The following FAM83A variants were observed in gnomAD, a reference collection of about 807,000 sequenced individuals.
The protein encoded by FAM83A is scaffolding CK1 anchoring protein A.
A neutral mutation model predicts 24.4 loss-of-function variants in FAM83A; 21 were observed. The observed-to-expected ratio is 0.86, with a 90% CI of 0.61 to 1.24. The LOEUF is 1.24. FAM83A is among the 50% of genes most tolerant of loss of function. The pLI is 0.00. For synonymous variants in FAM83A, 270 were observed against 252.4 expected (o/e 1.07, Z -0.66); for missense variants, 617 against 579.8 (o/e 1.06, Z -0.66).
At chr8:123,190,386 C>T (rs957531106) in intron 1 of FAM83A, among the ~76,000 whole-genome samples, 32 of 151,962 alleles carry the variant, frequency 2.1e-4, no homozygotes, top group Admixed American at 6.6e-5. Flanking sequence ...CTCAGCCTCC[C>T]CAGTAGCTGG....
intron 1 of FAM83A, among the ~76,000 whole-genome samples, chr8:123,184,920 A>G (rs1823740992): frequency 6.6e-6 from 1 of 152,194 alleles, no homozygotes; most frequent in Admixed American, 6.5e-5. Flanking sequence ...TTCCCTCCCA[A>G]GTTCAATACC....
rs115042207 is a variant in FAM83A at position 123,208,460 on chromosome 8, G to C, written c.*772G>C. 1,111 of 985,452 alleles carry C rather than the reference G, an allele frequency of 1.1e-3. 6 individuals are homozygous for C. In the African/African-American group the frequency reaches 0.018, roughly 16 times the overall value. 61.0% of individuals were successfully genotyped at this position (985,452 alleles called of 1,614,324 possible). A position where few individuals can be genotyped will look rare whatever the true frequency, so the allele number is the denominator to read the frequency against. Reference sequence around the variant, plus strand: ...TGGACCTAGGAGCTTGAGTTGTCAGGGGCCAGGACTGGCCCCACTGCAGTG... The same window carrying C: ...TGGACCTAGGAGCTTGAGTTGTCAGCGGCCAGGACTGGCCCCACTGCAGTG... On this transcript the variant is annotated 3_prime_UTR_variant, in exon 4 of 4. Transcript: ENST00000690554.
intron 1 of FAM83A, among the ~76,000 whole-genome samples, chr8:123,186,163 A>AT (rs1823785803): frequency 6.6e-6 from 1 of 152,160 alleles, no homozygotes; most frequent in Non-Finnish European, 1.5e-5. Context: ...ATCACCAATA[A>AT]TTTTTAAGAG....
chr8:123,192,590 A>C (rs77759076), intron 2 of FAM83A, among the ~76,000 whole-genome samples: 1 of 152,218 alleles, frequency 6.6e-6, no homozygotes, highest in African/African-American at 2.4e-5. Context: ...CATAGCTTTC[A>C]TGAGTAGGCC....
chr8:123,196,275 G>A (rs1421832886), intron 3 of FAM83A, among the ~76,000 whole-genome samples: 2 of 152,188 alleles, frequency 1.3e-5, no homozygotes, highest in Non-Finnish European at 2.9e-5. Flanking sequence ...GCCCCCCAAA[G>A]TGCAGGGATT....
intron 1 of FAM83A, among the ~76,000 whole-genome samples, chr8:123,185,223 C>T (rs907272901): frequency 6.6e-6 from 1 of 152,212 alleles, no homozygotes; most frequent in Non-Finnish European, 1.5e-5. Context: ...GCTCCTATGC[C>T]GGACTAAAGT....
At chr8:123,183,050 C>G in exon 1 of FAM83A, 2 of 1,612,336 alleles carry the variant, frequency 1.2e-6, no homozygotes, top group African/African-American at 2.7e-5. Flanking sequence ...TTCTTGTCCT[C>G]GGTGGAGGCC....
chr8:123,180,903 A>G (rs1404832114), upstream of FAM83A, among the ~76,000 whole-genome samples: 2 of 150,296 alleles, frequency 1.3e-5, no homozygotes, highest in South Asian at 2.1e-4. Context: ...CAAAAAAAAA[A>G]AGAGAAAGAG....
chr8:123,183,508 C>T (rs1417024117), intron 1 of FAM83A, among the ~76,000 whole-genome samples, 172 bp downstream of exon 1: 1 of 152,060 alleles, frequency 6.6e-6, no homozygotes, highest in African/African-American at 2.4e-5. Context: ...CTCCTGATCC[C>T]ACCTGTCACA....
At chr8:123,201,303 G>A (rs1824351090) in intron 3 of FAM83A, 1 of 152,214 alleles carries the variant, frequency 6.6e-6, no homozygotes, top group Non-Finnish European at 1.5e-5. Flanking sequence ...CAGCTTCCTT[G>A]ACTAGGGTCA....
chr8:123,189,981 G>A (rs1403201037), intron 1 of FAM83A, among the ~76,000 whole-genome samples: 1 of 152,070 alleles, frequency 6.6e-6, no homozygotes, highest in Admixed American at 6.6e-5. Context: ...ATCATGTACG[G>A]AATAATGACA....
chr8:123,209,281 C>T lies in FAM83A; in HGVS notation c.*1593C>T. The T allele has an allele frequency of 7.4e-7, 1 of 1,348,748 alleles. No homozygotes were observed. The highest frequency in any genetic ancestry group is 1.5e-5 in the African/African-American group (1 of 67,550). 83.5% of individuals were successfully genotyped at this position (1,348,748 alleles called of 1,614,324 possible). On this transcript the variant is annotated 3_prime_UTR_variant, in exon 4 of 4. Coordinates refer to ENST00000690554, the Ensembl canonical transcript of FAM83A. This position sits in a 1 kb window ranked among gnomAD's most constrained non-coding sequence, Gnocchi z 4.7. ...ACCCCTGACGGCCTGTGGCATCCTC[C>T]CTAGTCCCCTCTGCCCATCCATCCC... is the stretch of plus-strand genomic sequence containing the variant.
At chr8:123,190,079 C>T (rs1261995410) in intron 1 of FAM83A, among the ~76,000 whole-genome samples, 1 of 151,806 alleles carries the variant, frequency 6.6e-6, no homozygotes, top group Non-Finnish European at 1.5e-5. Flanking sequence ...GTAATCCCAG[C>T]AATTTGGGAG....
exon 4 of FAM83A, chr8:123,207,375 C>T (rs564042424): frequency 5.6e-6 from 9 of 1,611,632 alleles, no homozygotes; most frequent in South Asian, 5.5e-5. Context: ...GACCGCACGT[C>T]CTCCAACCCC....
At chr8:123,179,230 A>C (rs1386916441), upstream of FAM83A, 2 of 152,134 alleles carry the variant, frequency 1.3e-5, no homozygotes, top group African/African-American at 4.8e-5. Context: ...AAGTGTTGGG[A>C]GGTGGGGCCT....
chr8:123,194,893 T>C (rs1251685368), intron 3 of FAM83A, among the ~76,000 whole-genome samples: 1 of 152,224 alleles, frequency 6.6e-6, no homozygotes, highest in African/African-American at 2.4e-5. Flanking sequence ...CAATTTGTGT[T>C]TAGACCCTCA....
intron 1 of FAM83A, among the ~76,000 whole-genome samples, chr8:123,185,413 C>A (rs983991453): frequency 2.6e-5 from 4 of 152,204 alleles, no homozygotes; most frequent in Non-Finnish European, 5.9e-5. Context: ...AAAACACAGT[C>A]CCCTGGCTGA....
At chr8:123,185,117 T>C (rs1228013054) in intron 1 of FAM83A, among the ~76,000 whole-genome samples, 1 of 152,202 alleles carries the variant, frequency 6.6e-6, no homozygotes, top group Non-Finnish European at 1.5e-5. Flanking sequence ...CATTTGAGGA[T>C]GCATCCAGGC....
At chr8:123,204,808 T>A (rs1448992563) in intron 3 of FAM83A, among the ~76,000 whole-genome samples, 1 of 143,556 alleles carries the variant, frequency 7.0e-6, no homozygotes, top group African/African-American at 2.6e-5. Flanking sequence ...TGGGCTGTGA[T>A]CAAAAGTATA....
Sources: gnomAD v4.1 joint callset for allele counts (sites outside exome capture counted in the v4.1 genomes callset) on GRCh38, gnomAD v4.1.1 for gene constraint, Gnocchi (gnomAD v3.1) non-coding constraint, MANE v1.5 for transcripts, NCBI Gene and HGNC (gene_info 2026-07-23, HGNC 2026-07-21) for gene names.